The following CTNNA2 variants were observed in gnomAD, a reference collection of about 807,000 sequenced individuals.
The protein encoded by CTNNA2 is catenin alpha-2.
CTNNA2 carries 42 observed loss-of-function variants against 101.0 expected under a neutral mutation model. The observed-to-expected ratio is 0.42, with a 90% CI of 0.32 to 0.54. The LOEUF (loss-of-function observed/expected upper bound fraction) is 0.54, where lower values mean the gene tolerates loss of function less well. Ranked by LOEUF, CTNNA2 falls within the 20% of genes least tolerant of loss-of-function variation. The pLI is 0.14. For missense variants in CTNNA2, 871 were observed against 1,223.1 expected, an observed-to-expected ratio of 0.71 and a Z score of 4.29; for synonymous variants, 450 against 456.4, an observed-to-expected ratio of 0.99 and a Z score of 0.18.
At chr2:80,174,259 A>G (rs1389978824) in intron 7 of CTNNA2, among the ~76,000 whole-genome samples, 3 of 152,174 alleles carry the variant, frequency 2.0e-5, no homozygotes, top group East Asian at 3.9e-4. Flanking sequence ...GCCTCATAAT[A>G]TGATTTGGAG....
intron 4 of CTNNA2, among the ~76,000 whole-genome samples, chr2:79,381,140 T>C (rs1431361052): frequency 6.6e-6 from 1 of 152,152 alleles, no homozygotes; most frequent in Non-Finnish European, 1.5e-5. Flanking sequence ...AGCTTTTCCA[T>C]AGCACCACAG....
In CTNNA2 at chr2:79,827,125, G is replaced by A. The variant is rs189608239; in HGVS notation, c.299-30888G>A. On this transcript the variant is annotated intron_variant, in intron 3 of 18. Coordinates refer to ENST00000402739, the MANE Select transcript of CTNNA2 (RefSeq NM_001282597.3). ...ATGATCTCGGCTCGCTGCAACCTCCGCCTCCCAGGTTCAAGTGATTCTTAT... is the reference window on the plus strand; with the variant it reads ...ATGATCTCGGCTCGCTGCAACCTCCACCTCCCAGGTTCAAGTGATTCTTAT... 4.4e-3 allele frequency among the ~76,000 whole-genome samples: 670 copies of A among 151,986 alleles called. 12 individuals carry two copies. Among genetic ancestry groups the A allele is most frequent in the East Asian group, 0.039 (203 of 5,154 alleles).
chr2:80,018,899 G>T (rs1021659672), intron 7 of CTNNA2, among the ~76,000 whole-genome samples: 8 of 151,560 alleles, frequency 5.3e-5, no homozygotes, highest in African/African-American at 1.5e-4. Flanking sequence ...AGGTACAATT[G>T]TCCCTCATTA....
chr2:79,341,981 C>T (rs1223070825), intron 3 of CTNNA2, among the ~76,000 whole-genome samples: 1 of 152,168 alleles, frequency 6.6e-6, no homozygotes, highest in African/African-American at 2.4e-5. Flanking sequence ...TCAGACCGTT[C>T]ACCATTCTTG....
chr2:79,916,237 C>T (rs1686193572), intron 7 of CTNNA2, among the ~76,000 whole-genome samples: 1 of 152,106 alleles, frequency 6.6e-6, no homozygotes, highest in South Asian at 2.1e-4. Context: ...GTTGCCCATA[C>T]CTTTGCCTAA....
chr2:79,270,350 T>A (rs1159131379), intron 2 of CTNNA2, among the ~76,000 whole-genome samples: 1 of 152,124 alleles, frequency 6.6e-6, no homozygotes, highest in South Asian at 2.1e-4. Flanking sequence ...TGGTCCTTTT[T>A]TTTCTGATGT....
chr2:79,658,459 G>C (rs552045507), intron 2 of CTNNA2, among the ~76,000 whole-genome samples: 68 of 151,932 alleles, frequency 4.5e-4, no homozygotes, highest in African/African-American at 1.6e-3. Context: ...TAAAACATAG[G>C]TGTCATATCT....
intron 14 of CTNNA2, among the ~76,000 whole-genome samples, chr2:80,588,710 A>G (rs1421576852): frequency 6.6e-6 from 1 of 151,980 alleles, no homozygotes; most frequent in Non-Finnish European, 1.5e-5. Flanking sequence ...GCATGCCACC[A>G]CCCTAAAGGA....
chr2:79,341,696 A>G (rs937704985), intron 3 of CTNNA2, among the ~76,000 whole-genome samples: 3 of 152,220 alleles, frequency 2.0e-5, no homozygotes, highest in Non-Finnish European at 4.4e-5. Flanking sequence ...CAAAAGGAAG[A>G]CATGCTCACT....
intron 15 of CTNNA2, among the ~76,000 whole-genome samples, chr2:80,600,850 G>A (rs1558632731): frequency 6.6e-6 from 1 of 152,112 alleles, no homozygotes; most frequent in Non-Finnish European, 1.5e-5. Flanking sequence ...TGGGATTACA[G>A]GTGTGAGGCA....
intron 18 of CTNNA2, among the ~76,000 whole-genome samples, chr2:80,626,865 G>T (rs1330312997): frequency 1.3e-5 from 2 of 151,318 alleles, no homozygotes. Flanking sequence ...CCCTCCCCGA[G>T]CCCCCTACCC....
intron 7 of CTNNA2, among the ~76,000 whole-genome samples, chr2:79,913,900 G>A (rs150875414): frequency 0.045 from 6,773 of 152,100 alleles, 197 homozygotes; most frequent in Non-Finnish European, 0.063. Context: ...GGGCACGGTG[G>A]CTCACGCCTG....
intron 7 of CTNNA2, among the ~76,000 whole-genome samples, chr2:80,293,446 G>C (rs901185589): frequency 6.6e-6 from 1 of 152,188 alleles, no homozygotes; most frequent in Non-Finnish European, 1.5e-5. Flanking sequence ...TTGGTTTAAG[G>C]AGGTAAAATA....
At chr2:79,200,955 A>G (rs191747000) in intron 2 of CTNNA2, among the ~76,000 whole-genome samples, 2 of 152,368 alleles carry the variant, frequency 1.3e-5, no homozygotes, top group Non-Finnish European at 2.9e-5. Flanking sequence ...AAGAAAAAAA[A>G]CAGATGTCAG....
intron 7 of CTNNA2, among the ~76,000 whole-genome samples, chr2:80,220,731 A>G (rs1708526899): frequency 6.6e-6 from 1 of 152,196 alleles, no homozygotes; most frequent in African/African-American, 2.4e-5. Flanking sequence ...ATGTGTGCTG[A>G]AGCTCAGCTT....
chr2:80,560,566 T>C (rs1405584058), intron 12 of CTNNA2, among the ~76,000 whole-genome samples: 2 of 152,192 alleles, frequency 1.3e-5, no homozygotes, highest in Admixed American at 6.5e-5. Context: ...TTATTGCCCA[T>C]GAGTCCCCTG....
At chr2:79,933,437 T>G (rs554891710) in intron 7 of CTNNA2, among the ~76,000 whole-genome samples, 1 of 150,980 alleles carries the variant, frequency 6.6e-6, no homozygotes, top group South Asian at 2.1e-4. Context: ...CAAATCTAGA[T>G]CTTTGGGCTT....
chr2:79,534,038 C>T (rs185564715), intron 1 of CTNNA2, among the ~76,000 whole-genome samples: 10 of 151,830 alleles, frequency 6.6e-5, no homozygotes, highest in African/African-American at 2.4e-4. Context: ...TAACTAAGGA[C>T]ATTTTTCTTA....
chr2:79,460,482 T>C (rs1464314281), intron 4 of CTNNA2, among the ~76,000 whole-genome samples: 3 of 152,224 alleles, frequency 2.0e-5, no homozygotes, highest in Non-Finnish European at 4.4e-5. Context: ...TGCTAAGTAG[T>C]TTTTATTCTA....
Sources: allele counts gnomAD v4.1 joint callset (sites outside exome capture counted in the v4.1 genomes callset), GRCh38; gene constraint gnomAD v4.1.1; transcripts MANE v1.5; gene names NCBI Gene and HGNC (gene_info 2026-07-23, HGNC 2026-07-21).